OSBPL11: variants seen among roughly 807,000 people sequenced by gnomAD.
The protein encoded by OSBPL11 is oxysterol binding protein like 11.
A neutral mutation model predicts 84.4 loss-of-function variants in OSBPL11; 33 were observed. The ratio of observed to expected loss-of-function variants is 0.39; its 90% CI spans 0.30 to 0.52. OSBPL11 has a LOEUF of 0.52. Among genes scored for constraint, OSBPL11 ranks in the 20% least tolerant of loss-of-function variants. OSBPL11 has a pLI of 0.72. For missense variants in OSBPL11, 736 were observed against 901.1 expected, an observed-to-expected ratio of 0.82 and a Z score of 2.35; for synonymous variants, 276 against 310.2, an observed-to-expected ratio of 0.89 and a Z score of 1.16.
At chr3:125,576,587 T>C (rs1464627028) in intron 4 of OSBPL11, among the ~76,000 whole-genome samples, 1 of 152,238 alleles carries the variant, frequency 6.6e-6, no homozygotes, top group Non-Finnish European at 1.5e-5. Context: ...TAGAAAATTA[T>C]TTTCCAGCTT....
At chr3:125,544,070 A>ATTT (rs35835902) in intron 10 of OSBPL11, among the ~76,000 whole-genome samples, 3 of 136,818 alleles carry the variant, frequency 2.2e-5, no homozygotes, top group East Asian at 2.1e-4. Flanking sequence ...ATGAACCAAG[A>ATTT]TTTTTTTTTT....
At chr3:125,586,142 T>G (rs1260704405) in intron 1 of OSBPL11, among the ~76,000 whole-genome samples, 1 of 152,218 alleles carries the variant, frequency 6.6e-6, no homozygotes, top group Non-Finnish European at 1.5e-5. Flanking sequence ...TCTGTTAATA[T>G]TAATAAAATC....
intron 2 of OSBPL11, among the ~76,000 whole-genome samples, chr3:125,581,442 TC>T (rs2107609977): frequency 6.7e-6 from 1 of 149,094 alleles, no homozygotes; most frequent in Admixed American, 6.7e-5. Context: ...ACACCTGTAA[TC>T]CCAGCACTTT....
intron 1 of OSBPL11, among the ~76,000 whole-genome samples, chr3:125,591,929 C>T (rs1936600577): frequency 6.6e-6 from 1 of 151,970 alleles, no homozygotes; most frequent in Non-Finnish European, 1.5e-5. Context: ...TTGAGCCTAG[C>T]AGTTCAAGGC....
intron 11 of OSBPL11, among the ~76,000 whole-genome samples, chr3:125,537,283 TATA>T (rs1580032569): frequency 1.3e-5 from 2 of 151,926 alleles, no homozygotes; most frequent in East Asian, 3.9e-4. Context: ...CAGTGAAGAA[TATA>T]ATGACTGCTT....
chr3:125,536,454 C>A (rs1385677312), intron 11 of OSBPL11, among the ~76,000 whole-genome samples: 1 of 152,048 alleles, frequency 6.6e-6, no homozygotes, highest in Non-Finnish European at 1.5e-5. Context: ...ACATACTATA[C>A]AATATTTTAA....
At chr3:125,558,956 A>C (rs1936032902) in intron 8 of OSBPL11, among the ~76,000 whole-genome samples, 1 of 152,204 alleles carries the variant, frequency 6.6e-6, no homozygotes, top group Non-Finnish European at 1.5e-5. Context: ...ATCACACTTA[A>C]AGAAGCAAAG....
chr3:125,587,189 T>C (rs569498311), intron 1 of OSBPL11, among the ~76,000 whole-genome samples: 1 of 152,254 alleles, frequency 6.6e-6, no homozygotes, highest in South Asian at 2.1e-4. Context: ...ATGACTAGAT[T>C]TGATGACTGA....
intron 8 of OSBPL11, among the ~76,000 whole-genome samples, chr3:125,557,285 A>G (rs552731918): frequency 4.6e-5 from 7 of 152,378 alleles, no homozygotes; most frequent in East Asian, 3.8e-4. Context: ...TGTCTGGAAT[A>G]TAACAGGGGC....
At chr3:125,594,152 T>C (rs534710808) in intron 1 of OSBPL11, among the ~76,000 whole-genome samples, 46 of 152,336 alleles carry the variant, frequency 3.0e-4, no homozygotes, top group African/African-American at 1.0e-3. Context: ...TTCCAATTAC[T>C]TATGTACATT....
At chr3:125,538,291 G>GT (rs1232171303) in intron 11 of OSBPL11, among the ~76,000 whole-genome samples, 160 bp downstream of exon 11, 4 of 152,166 alleles carry the variant, frequency 2.6e-5, no homozygotes. Context: ...GAATCTCACA[G>GT]CTGGCAAGGG....
intron 1 of OSBPL11, among the ~76,000 whole-genome samples, chr3:125,588,456 A>T (rs549866026): frequency 6.6e-6 from 1 of 152,304 alleles, no homozygotes; most frequent in African/African-American, 2.4e-5. Flanking sequence ...CCAATTCCTC[A>T]TAATCTCTCT....
Position 125,567,990 on chromosome 3 carries a change from T to TC in OSBPL11, c.667-396dup, listed in dbSNP as rs1365831097. Among the ~76,000 whole-genome samples, 14 of 137,672 alleles carry TC rather than the reference T, an allele frequency of 1.0e-4. No individual in the cohort carries two copies. The South Asian group carries it at 2.0e-3, about 20-fold the overall frequency. The allele number at this position is 137,672 out of a possible 152,430, so 90.3% of individuals were successfully genotyped here. ...GCCTGGGCAAAAGAGTAAAACCCCG[T>TC]CTAAAAAAAAAAAAAAAAAGACATA... On this transcript the variant is annotated intron_variant, in intron 5 of 12. Coordinates refer to ENST00000296220, the MANE Select transcript of OSBPL11 (RefSeq NM_022776.5).
At chr3:125,568,756 A>G (rs928688192) in intron 5 of OSBPL11, among the ~76,000 whole-genome samples, 4 of 152,232 alleles carry the variant, frequency 2.6e-5, no homozygotes, top group African/African-American at 9.6e-5. Context: ...TCCTAATAGA[A>G]CCAATGGAGT....
In OSBPL11 at chr3:125,530,351, T is replaced by G. The variant is rs1433411194; in HGVS notation, c.*164A>C. ...GGTCCACTGTGTTTCTTTACCACTTTGGTCTTGCTGCAGTATTATGGTGCC... is the reference window on the plus strand; with the variant it reads ...GGTCCACTGTGTTTCTTTACCACTTGGGTCTTGCTGCAGTATTATGGTGCC... On this transcript the variant is annotated 3_prime_UTR_variant, in exon 13 of 13. Transcript: ENST00000296220. The G allele has an allele frequency of 3.1e-6, 2 of 650,366 alleles. No individual in the cohort carries two copies. The highest frequency in any genetic ancestry group is 3.6e-5 in the African/African-American group (2 of 55,004). 40.3% of individuals were successfully genotyped at this position (650,366 alleles called of 1,614,324 possible). A position where few individuals can be genotyped will look rare whatever the true frequency, so the allele number is the denominator to read the frequency against.
intron 11 of OSBPL11, among the ~76,000 whole-genome samples, chr3:125,536,876 C>T (rs925189069): frequency 2.0e-5 from 3 of 151,942 alleles, no homozygotes; most frequent in African/African-American, 4.8e-5. Flanking sequence ...GACATGTACT[C>T]GGCCAGGCAC....
chr3:125,538,834 A>T (rs1438358613), intron 10 of OSBPL11, among the ~76,000 whole-genome samples: 1 of 152,178 alleles, frequency 6.6e-6, no homozygotes, highest in Non-Finnish European at 1.5e-5. Context: ...TATCAATTTT[A>T]ATCTTTAGGA....
intron 9 of OSBPL11, among the ~76,000 whole-genome samples, chr3:125,551,402 T>C (rs1001590534): frequency 3.3e-5 from 5 of 151,820 alleles, no homozygotes; most frequent in African/African-American, 1.2e-4. Context: ...TTTATATATA[T>C]ATGGATGCAG....
chr3:125,588,571 G>T (rs988206233), intron 1 of OSBPL11, among the ~76,000 whole-genome samples: 7 of 152,176 alleles, frequency 4.6e-5, no homozygotes, highest in Non-Finnish European at 1.0e-4. Context: ...CAGTAAATAT[G>T]AGGTACCAGG....
Sources: gnomAD v4.1 joint callset for allele counts (sites outside exome capture counted in the v4.1 genomes callset) on GRCh38, gnomAD v4.1.1 for gene constraint, MANE v1.5 for transcripts, NCBI Gene and HGNC (gene_info 2026-07-23, HGNC 2026-07-21) for gene names.